HMCN1: variants seen among roughly 807,000 people sequenced by gnomAD.
The protein encoded by HMCN1 is hemicentin-1.
Under a neutral mutation model 625.9 loss-of-function variants are expected in HMCN1, and 321 were observed. That is an observed-to-expected ratio of 0.51 (90% CI 0.47 to 0.56). The LOEUF (loss-of-function observed/expected upper bound fraction) is 0.56. HMCN1 is among the 20% of genes least tolerant of loss of function. The probability of loss-of-function intolerance (pLI) is 0.00; values close to 1 mark genes in which losing one functional copy is unlikely to be tolerated. For synonymous variants in HMCN1, 2,425 were observed against 2,417.6 expected (o/e 1.00, Z -0.09); for missense variants, 6,588 against 6,887.3 (o/e 0.96, Z 1.54).
At chr1:186,178,248 A>C (rs1157495613) in intron 103 of HMCN1, among the ~76,000 whole-genome samples, 168 bp from the exon 104 acceptor site, 1 of 152,210 alleles carries the variant, frequency 6.6e-6, no homozygotes, top group Non-Finnish European at 1.5e-5. Flanking sequence ...CTGAATGATT[A>C]AAGCTTTGTC....
intron 41 of HMCN1, among the ~76,000 whole-genome samples, chr1:186,046,219 A>G (rs1250370898): frequency 6.6e-6 from 1 of 152,176 alleles, no homozygotes; most frequent in East Asian, 1.9e-4. Context: ...CTGTGATCCC[A>G]AAATTTTGGG....
chr1:185,754,641 G>A (rs1233050598), intron 1 of HMCN1, among the ~76,000 whole-genome samples: 1 of 152,102 alleles, frequency 6.6e-6, no homozygotes, highest in East Asian at 1.9e-4. Flanking sequence ...CAATAGCTAA[G>A]AAATTTGAGA....
chr1:185,978,549 T>C (rs1295174643), intron 16 of HMCN1, among the ~76,000 whole-genome samples: 1 of 152,196 alleles, frequency 6.6e-6, no homozygotes, highest in Non-Finnish European at 1.5e-5. Context: ...CTAAGAATAA[T>C]TGCATGGTGT....
chr1:186,104,458 A>G (rs1259135254), intron 69 of HMCN1, among the ~76,000 whole-genome samples: 2 of 152,218 alleles, frequency 1.3e-5, no homozygotes, highest in Non-Finnish European at 2.9e-5. Flanking sequence ...ATAACAAATT[A>G]TTTGATCATA....
Position 186,161,916 on chromosome 1 carries a change from G to T in HMCN1, c.15257-3195G>T, listed in dbSNP as rs1451469187. 3.3e-5 allele frequency among the ~76,000 whole-genome samples: 5 copies of T among 152,216 alleles called. No homozygotes were observed. The East Asian group carries it at 9.6e-4, about 29-fold the overall frequency. ...TGTTTCTTGGAGTTGCTCTTCTCAA[G>T]GAGTATCTTTGTGGTGTTCTCTGTA... On this transcript the variant is annotated intron_variant, in intron 97 of 106. Coordinates refer to ENST00000271588, the MANE Select transcript of HMCN1 (RefSeq NM_031935.3).
chr1:185,831,358 C>G (rs1233092637), intron 1 of HMCN1, among the ~76,000 whole-genome samples: 1 of 151,988 alleles, frequency 6.6e-6, no homozygotes, highest in Non-Finnish European at 1.5e-5. Context: ...TAAATAAAAA[C>G]CCCAAATCTA....
At chr1:185,982,521 ACCTCTG>A in intron 18 of HMCN1, 132 bp downstream of exon 18, 2 of 792,732 alleles carry the variant, frequency 2.5e-6, no homozygotes, top group Non-Finnish European at 4.1e-6. Context: ...GCTCACCGCA[ACCTCTG>A]CCTCCTGGGT....
At chr1:186,174,095 G>T (rs1487235176) in intron 102 of HMCN1, among the ~76,000 whole-genome samples, 3 of 152,202 alleles carry the variant, frequency 2.0e-5, no homozygotes, top group African/African-American at 4.8e-5. Flanking sequence ...TTGAGGGTGT[G>T]CTGGGTTTGA....
At chr1:185,970,194 A>G (rs879340473) in intron 14 of HMCN1, 141 bp from the exon 15 acceptor site, 23 of 781,832 alleles carry the variant, frequency 2.9e-5, no homozygotes, top group Non-Finnish European at 4.3e-5. Context: ...TAGACTGTAG[A>G]AAGTGTCTAT....
In HMCN1 at chr1:186,093,777, A is replaced by G. The variant is rs1571343293; in HGVS notation, c.10196+108A>G. 11 of 1,451,734 alleles carry G rather than the reference A, an allele frequency of 7.6e-6. No homozygotes were observed. The East Asian group carries it at 2.3e-4, about 31-fold the overall frequency. The allele number at this position is 1,451,734 out of a possible 1,614,324, so 89.9% of individuals were successfully genotyped here. The stretch of plus-strand genomic sequence containing the variant: ...GAAATGTTTTTTTCTAAGCCTTTAC[A>G]GTTTTTTTCCCTTTAAGTATATTTT... On this transcript the variant is annotated intron_variant, in intron 66 of 106. Transcript: ENST00000271588.
chr1:186,084,247 ATAGTTGTGG>A (rs1659341648), intron 57 of HMCN1, among the ~76,000 whole-genome samples: 1 of 152,220 alleles, frequency 6.6e-6, no homozygotes, highest in Admixed American at 6.5e-5. Flanking sequence ...AATGGTGTCT[ATAGTTGTGG>A]TAGTTGCTAA....
chr1:186,176,254 T>G (rs1652570646), intron 103 of HMCN1, among the ~76,000 whole-genome samples: 2 of 152,238 alleles, frequency 1.3e-5, no homozygotes, highest in South Asian at 4.1e-4. Context: ...GAAAATGTGC[T>G]TGGCTTGTTC....
At position 186,178,422 on chromosome 1, in the gene HMCN1, A is replaced by C. The variant is rs1652732847; in HGVS notation, c.15950A>C (p.Asn5317Thr). Residue 5317 changes from asparagine (N) to threonine (T), a missense_variant, in exon 104 of 107, where the codon AAT (asparagine) becomes ACT (threonine). By Grantham distance (65) the Asn-to-Thr change is moderately conservative. Coordinates refer to ENST00000271588, the MANE Select transcript of HMCN1 (RefSeq NM_031935.3). ...TATCATGGCATACGAGCAGACATTA[A>C]TGAATGTGAACAAGTGCCTAAACCT... is the stretch of plus-strand genomic sequence containing the variant. Reference protein sequence around the residue: ...QGVGRPCMDINECEQVPKPCA... With the variant: ...QGVGRPCMDITECEQVPKPCA... 2.5e-6 allele frequency: 4 copies of C among 1,612,824 alleles called. No homozygotes were observed. Among genetic ancestry groups the C allele is most frequent in the Non-Finnish European group, 3.4e-6 (4 of 1,178,962 alleles).
chr1:186,012,727 G>A (rs1204911239), intron 30 of HMCN1, among the ~76,000 whole-genome samples: 4 of 152,098 alleles, frequency 2.6e-5, no homozygotes, highest in African/African-American at 7.2e-5. Context: ...TAGTTTGGTT[G>A]TAGCCTTATT....
intron 3 of HMCN1, among the ~76,000 whole-genome samples, 169 bp from the exon 4 acceptor site, chr1:185,865,572 T>G (rs1663124269): frequency 7.5e-6 from 1 of 132,814 alleles, no homozygotes; most frequent in African/African-American, 2.8e-5. Context: ...AGTCAATAAT[T>G]ATATAAGCAT....
chr1:185,939,579 A>T (rs1383729730), intron 11 of HMCN1, among the ~76,000 whole-genome samples: 1 of 152,150 alleles, frequency 6.6e-6, no homozygotes, highest in Non-Finnish European at 1.5e-5. Context: ...ATTTTTCATA[A>T]ATCATTTCAT....
At chr1:185,989,250 C>T (rs1652230851) in intron 20 of HMCN1, among the ~76,000 whole-genome samples, 1 of 152,024 alleles carries the variant, frequency 6.6e-6, no homozygotes, top group South Asian at 2.1e-4. Flanking sequence ...CCGCCTTGGC[C>T]TCCCAAAGTG....
intron 28 of HMCN1, among the ~76,000 whole-genome samples, chr1:186,002,065 G>A (rs1245603109): frequency 6.6e-6 from 1 of 151,990 alleles, no homozygotes; most frequent in South Asian, 2.1e-4. Context: ...GACATTCTTT[G>A]GGAAGTGGCT....
intron 1 of HMCN1, among the ~76,000 whole-genome samples, chr1:185,824,909 T>G (rs758995020): frequency 2.0e-5 from 3 of 151,964 alleles, no homozygotes; most frequent in Admixed American, 2.0e-4. Context: ...TGAGCAAGAG[T>G]TAACACTAAG....
Sources: allele counts gnomAD v4.1 joint callset (sites outside exome capture counted in the v4.1 genomes callset), GRCh38; gene constraint gnomAD v4.1.1; transcripts MANE v1.5; gene names NCBI Gene and HGNC (gene_info 2026-07-23, HGNC 2026-07-21).